Variants in GCNT2 observed in about 807,000 individuals in gnomAD.
The protein encoded by GCNT2 is N-acetyllactosaminide beta-1,6-N-acetylglucosaminyl-transferase.
A neutral mutation model predicts 34.2 loss-of-function variants in GCNT2; 34 were observed. The ratio of observed to expected loss-of-function variants is 1.00; its 90% CI spans 0.76 to 1.32. The LOEUF (loss-of-function observed/expected upper bound fraction) is 1.32, where lower values mean the gene tolerates loss of function less well. GCNT2 is among the 40% of genes most tolerant of loss of function. The pLI is 0.00. For missense variants in GCNT2, 584 were observed against 489.4 expected (o/e 1.19, Z -1.82); for synonymous variants, 212 against 188.0 (o/e 1.13, Z -1.04).
At position 10,529,458 on chromosome 6, in the gene GCNT2, C is replaced by A. The variant is rs1761367294; in HGVS notation, c.547C>A (p.Pro183Thr). The change falls in exon 3 of 5, where the codon CCC becomes ACC. Residue 183 changes from proline (P) to threonine (T), a missense_variant. Coordinates refer to ENST00000495262, the MANE Select transcript of GCNT2 (RefSeq NM_145649.5). ...CLEDLVASEV[P>T]WKYVINTCGQ... ...GGAAGACCTTGTGGCCTCTGAAGTT[C>A]CCTGGAAGTATGTCATCAACACCTG... 6.2e-7 allele frequency: 1 copy of A among 1,614,088 alleles called. No homozygotes were observed. The highest frequency in any genetic ancestry group is 1.3e-5 in the African/African-American group (1 of 75,010).
At chr6:10,624,297 C>T (rs1766171976) in intron 4 of GCNT2, among the ~76,000 whole-genome samples, 1 of 152,140 alleles carries the variant, frequency 6.6e-6, no homozygotes, top group African/African-American at 2.4e-5. Flanking sequence ...ACTCACAGTT[C>T]CACGTGACTG....
chr6:10,585,555 G>C (rs193228511), intron 3 of GCNT2, among the ~76,000 whole-genome samples: 16 of 152,300 alleles, frequency 1.1e-4, no homozygotes, highest in Middle Eastern at 3.4e-3. Flanking sequence ...AGCGTGAGAA[G>C]GGAGATCAGA....
chr6:10,556,462 C>T (rs760221579), intron 3 of GCNT2: 5 of 1,614,046 alleles, frequency 3.1e-6, no homozygotes, highest in East Asian at 2.2e-5. Context: ...TAATTTCTGT[C>T]TCTAGTGTAA....
chr6:10,615,525 G>A (rs1765721275), intron 3 of GCNT2, among the ~76,000 whole-genome samples: 3 of 152,092 alleles, frequency 2.0e-5, no homozygotes, highest in Admixed American at 6.5e-5. Context: ...TGTTGCCCAG[G>A]CTGGTCTGAA....
chr6:10,552,070 T>C (rs555541611), intron 3 of GCNT2, among the ~76,000 whole-genome samples: 1 of 152,296 alleles, frequency 6.6e-6, no homozygotes, highest in African/African-American at 2.4e-5. Context: ...GAGATGAGAA[T>C]TTAAAATAAT....
intron 3 of GCNT2, among the ~76,000 whole-genome samples, chr6:10,537,791 C>T (rs984125479): frequency 4.0e-5 from 6 of 151,560 alleles, no homozygotes; most frequent in African/African-American, 1.5e-4. Context: ...CCTAGCTTAG[C>T]CTAGCCTCCC....
At chr6:10,582,487 C>A (rs924980818) in intron 3 of GCNT2, among the ~76,000 whole-genome samples, 12,529 of 101,570 alleles carry the variant, frequency 0.12, 797 homozygotes, top group African/African-American at 0.17. Flanking sequence ...ATAATATATA[C>A]TATAATATAT....
At chr6:10,523,865 C>T (rs993607186) in intron 1 of GCNT2, among the ~76,000 whole-genome samples, 3 of 146,320 alleles carry the variant, frequency 2.1e-5, no homozygotes, top group African/African-American at 5.0e-5. Context: ...CCCAGCTACT[C>T]GGGAGGCTGA....
intron 3 of GCNT2, among the ~76,000 whole-genome samples, chr6:10,574,354 G>A (rs770631687): frequency 1.3e-5 from 2 of 152,176 alleles, no homozygotes; most frequent in Non-Finnish European, 2.9e-5. Context: ...GCCTTGTGAG[G>A]TAGTTTCTAT....
chr6:10,578,741 C>T (rs536585124), intron 3 of GCNT2, among the ~76,000 whole-genome samples: 7 of 152,134 alleles, frequency 4.6e-5, no homozygotes, highest in South Asian at 2.1e-4. Flanking sequence ...CCACTGCGCC[C>T]GGCCCGGAGC....
At chr6:10,586,034 C>T (rs757873332) in intron 3 of GCNT2, 2 of 1,614,090 alleles carry the variant, frequency 1.2e-6, no homozygotes, top group South Asian at 1.1e-5. Context: ...CTCTGCTCAG[C>T]GTGGTCATTT....
chr6:10,589,369 GTT>G (rs1191110570), intron 3 of GCNT2, among the ~76,000 whole-genome samples: 2 of 130,336 alleles, frequency 1.5e-5, no homozygotes, highest in Non-Finnish European at 3.6e-5. Context: ...TCTAGTGTGT[GTT>G]TGTAGTGTGG....
chr6:10,617,486 G>A (rs866451088), intron 3 of GCNT2, among the ~76,000 whole-genome samples: 2 of 152,218 alleles, frequency 1.3e-5, no homozygotes, highest in African/African-American at 2.4e-5. Flanking sequence ...CGGGCTGAAG[G>A]GCTCCTCAAG....
At chr6:10,528,477 A>AG (rs1384195483) in intron 2 of GCNT2, 154 bp from the exon 3 acceptor site, 4 of 232,248 alleles carry the variant, frequency 1.7e-5, no homozygotes, top group African/African-American at 4.5e-5. Context: ...GAGGGGACAT[A>AG]GTTACTAGAC....
chr6:10,536,363 C>CT (rs533801258), intron 3 of GCNT2, among the ~76,000 whole-genome samples: 1,829 of 145,528 alleles, frequency 0.013, 26 homozygotes, highest in African/African-American at 0.034. Flanking sequence ...TCAACTTCTT[C>CT]TTTTTTTTTT....
Position 10,555,791 on chromosome 6 carries a change from T to G in GCNT2, c.925+25955T>G, listed in dbSNP as rs905916707. On this transcript the variant is annotated intron_variant, in intron 3 of 4. Coordinates refer to ENST00000495262, the MANE Select transcript of GCNT2 (RefSeq NM_145649.5). ...AATGGAGCTGGGATGGATGAGGCTT[T>G]CTTTTATTTGAGATGTCACTTGTGT... 4.1e-6 allele frequency: 4 copies of G among 985,402 alleles called. No homozygotes were observed. In the East Asian group the frequency reaches 3.4e-4, roughly 84 times the overall value. The allele number at this position is 985,402 out of a possible 1,614,324, so 61.0% of individuals were successfully genotyped here.
intron 3 of GCNT2, chr6:10,555,866 G>T (rs1266163310): frequency 1.0e-6 from 1 of 991,244 alleles, no homozygotes; most frequent in Non-Finnish European, 1.2e-6. Flanking sequence ...TTTCTATCCC[G>T]TGGGTTGCGC....
At chr6:10,560,088 C>T (rs1489219036) in intron 3 of GCNT2, among the ~76,000 whole-genome samples, 1 of 152,094 alleles carries the variant, frequency 6.6e-6, no homozygotes, top group African/African-American at 2.4e-5. Flanking sequence ...TAATCAATAT[C>T]AGCTCTTCTA....
Position 10,602,057 on chromosome 6 carries a change from G to A in GCNT2, c.926-19294G>A, listed in dbSNP as rs144290325. ...GCCCTAGGCAGAGGAGAGGGTACGA[G>A]GGCAAACCACTGAAGAGGCCAACAT... On this transcript the variant is annotated intron_variant, in intron 3 of 4. Coordinates refer to ENST00000495262, the MANE Select transcript of GCNT2 (RefSeq NM_145649.5). 2.2e-3 allele frequency among the ~76,000 whole-genome samples: 340 copies of A among 152,224 alleles called. 3 individuals are homozygous for A. The highest frequency in any genetic ancestry group is 7.8e-3 in the African/African-American group (322 of 41,520).
Sources: allele counts gnomAD v4.1 joint callset (sites outside exome capture counted in the v4.1 genomes callset), GRCh38; gene constraint gnomAD v4.1.1; transcripts MANE v1.5; gene names NCBI Gene and HGNC (gene_info 2026-07-23, HGNC 2026-07-21).